SHLD1: variants seen among roughly 807,000 people sequenced by gnomAD.
SHLD1 encodes the protein RINN1-REV7-interacting novel NHEJ regulator 3.
SHLD1 carries 3 observed loss-of-function variants against 5.5 expected under a neutral mutation model. That is an observed-to-expected ratio of 0.54 (90% confidence interval 0.25 to 1.40). SHLD1 has a LOEUF of 1.40. SHLD1 is among the 40% of genes most tolerant of loss of function. The pLI is 0.15. For missense variants in SHLD1, 210 were observed against 244.4 expected, an observed-to-expected ratio of 0.86 and a Z score of 0.94; for synonymous variants, 92 against 94.3, an observed-to-expected ratio of 0.98 and a Z score of 0.14.
intron 1 of SHLD1, among the ~76,000 whole-genome samples, chr20:5,752,499 A>G (rs984464448): frequency 1.3e-5 from 2 of 152,128 alleles, no homozygotes; most frequent in Non-Finnish European, 2.9e-5. Context: ...GGCCTAGAAA[A>G]GGAAATCCTG....
intron 2 of SHLD1, among the ~76,000 whole-genome samples, chr20:5,779,604 C>A (rs1458821960): frequency 6.6e-6 from 1 of 152,190 alleles, no homozygotes; most frequent in East Asian, 1.9e-4. Context: ...CTCCAGTTCC[C>A]AAGCCAGTTT....
intron 1 of SHLD1, among the ~76,000 whole-genome samples, chr20:5,770,303 A>G (rs1985085112): frequency 1.3e-5 from 2 of 152,212 alleles, no homozygotes; most frequent in African/African-American, 4.8e-5. Context: ...ATTCCATCTG[A>G]GGATCATATG....
rs568631143 is a variant in SHLD1, at chr20:5,758,478, G to A, written c.-5+7999G>A. Among the ~76,000 whole-genome samples the A allele has an allele frequency of 2.6e-3, 389 of 151,784 alleles. 2 individuals are homozygous for A. Among genetic ancestry groups the A allele is most frequent in the Non-Finnish European group, 4.3e-3 (294 of 67,920 alleles). On this transcript the variant is annotated intron_variant, in intron 1 of 2. Transcript: ENST00000303142. ...CTGTTGTCCAGGCTGGAGTGCAATGGCACGATCTCAGCTCACTGCAACCTC... is the reference window on the plus strand; with the variant it reads ...CTGTTGTCCAGGCTGGAGTGCAATGACACGATCTCAGCTCACTGCAACCTC...
At chr20:5,818,572 G>GGGTT (rs2087567490) in intron 2 of SHLD1, among the ~76,000 whole-genome samples, 1 of 152,180 alleles carries the variant, frequency 6.6e-6, no homozygotes, top group Non-Finnish European at 1.5e-5. Flanking sequence ...ATCACATACT[G>GGGTT]GGTTGGTTGG....
intron 2 of SHLD1, among the ~76,000 whole-genome samples, chr20:5,784,674 TCGC>T (rs2087035394): frequency 6.6e-6 from 1 of 152,084 alleles, no homozygotes; most frequent in Non-Finnish European, 1.5e-5. Flanking sequence ...TTGGTCTCGA[TCGC>T]CTGACCTTGT....
At chr20:5,793,205 G>A (rs2087166599) in intron 2 of SHLD1, among the ~76,000 whole-genome samples, 1 of 152,066 alleles carries the variant, frequency 6.6e-6, no homozygotes. Flanking sequence ...AGGAAGTGTG[G>A]GTCCTCCAAC....
At chr20:5,777,029 G>T (rs868151195) in intron 2 of SHLD1, among the ~76,000 whole-genome samples, 3 of 150,868 alleles carry the variant, frequency 2.0e-5, no homozygotes, top group Non-Finnish European at 4.4e-5. Flanking sequence ...TCACTCTGTT[G>T]CCCAGGCTGA....
intron 2 of SHLD1, 123 bp downstream of exon 2, chr20:5,773,166 A>G (rs747799952): frequency 1.5e-5 from 17 of 1,124,740 alleles, no homozygotes; most frequent in Non-Finnish European, 2.1e-5. Context: ...TCTTAGGCAG[A>G]AAAACATCTT....
intron 2 of SHLD1, among the ~76,000 whole-genome samples, chr20:5,844,799 A>ATATTTTTT (rs1460082835): frequency 2.1e-4 from 15 of 71,720 alleles, no homozygotes; most frequent in South Asian, 1.5e-3. Context: ...ATATATATAT[A>ATATTTTTT]TTTTTTTTTT....
chr20:5,862,992 G>A (rs1410013636), intron 2 of SHLD1, 32 bp from the exon 3 acceptor site: 1 of 1,526,698 alleles, frequency 6.6e-7, no homozygotes, highest in Non-Finnish European at 8.8e-7. Flanking sequence ...TTGATTGTGT[G>A]TTTGAGTATT....
At chr20:5,763,423 GA>G (rs1261710132) in intron 1 of SHLD1, among the ~76,000 whole-genome samples, 3 of 151,986 alleles carry the variant, frequency 2.0e-5, no homozygotes, top group African/African-American at 7.2e-5. Flanking sequence ...AGTCATGCAA[GA>G]AGCTGTCTTT....
chr20:5,793,799 C>A lies in SHLD1; in HGVS notation c.178+20756C>A, dbSNP rs143152779. The stretch of plus-strand genomic sequence containing the variant: ...ATCTCGGCTCACTTCAACCTTCGTC[C>A]CTGGTTCAAGTGATTCTCCTGCCTC... On this transcript the variant is annotated intron_variant, in intron 2 of 2. Coordinates refer to ENST00000303142, the MANE Select transcript of SHLD1 (RefSeq NM_152504.4). 1.4e-4 allele frequency among the ~76,000 whole-genome samples: 21 copies of A among 152,114 alleles called. No homozygotes were observed. The East Asian group carries it at 3.3e-3, about 24-fold the overall frequency.
intron 2 of SHLD1, among the ~76,000 whole-genome samples, chr20:5,862,684 A>G (rs2088178856): frequency 6.6e-6 from 1 of 152,204 alleles, no homozygotes; most frequent in Non-Finnish European, 1.5e-5. Flanking sequence ...TACATTCATC[A>G]TGGGAGGAAA....
intron 1 of SHLD1, among the ~76,000 whole-genome samples, chr20:5,758,832 T>C (rs937959552): frequency 6.6e-6 from 1 of 151,508 alleles, no homozygotes; most frequent in African/African-American, 2.4e-5. Context: ...CTGCAAGTTA[T>C]GAGTTGAAAT....
intron 2 of SHLD1, among the ~76,000 whole-genome samples, chr20:5,817,430 CTCTGTGTGTG>C (rs1336556852): frequency 2.6e-4 from 26 of 99,574 alleles, no homozygotes; most frequent in South Asian, 6.4e-4. Context: ...CTCTCTCTCT[CTCTGTGTGTG>C]TGTGTGTGTG....
At chr20:5,818,861 CTGTTT>C (rs368228128) in intron 2 of SHLD1, among the ~76,000 whole-genome samples, 275 of 152,146 alleles carry the variant, frequency 1.8e-3, no homozygotes, top group Non-Finnish European at 3.2e-3. Flanking sequence ...GTGTCCACTT[CTGTTT>C]TGTTTTGTTT....
chr20:5,779,670 G>A (rs180810363), intron 2 of SHLD1, among the ~76,000 whole-genome samples: 72 of 152,272 alleles, frequency 4.7e-4, no homozygotes, highest in African/African-American at 1.7e-3. Flanking sequence ...GATCTTCCAG[G>A]GATTGGGAAA....
chr20:5,817,319 G>T (rs917929149), intron 2 of SHLD1, among the ~76,000 whole-genome samples: 2 of 151,550 alleles, frequency 1.3e-5, no homozygotes, highest in African/African-American at 4.9e-5. Context: ...ATCAAAGTTT[G>T]TTATGGCAGG....
At chr20:5,858,620 G>T (rs900871177) in intron 2 of SHLD1, among the ~76,000 whole-genome samples, 4 of 152,180 alleles carry the variant, frequency 2.6e-5, no homozygotes, top group African/African-American at 7.2e-5. Flanking sequence ...AATCACTTGA[G>T]GCCAGGAGTT....
Sources: allele counts gnomAD v4.1 joint callset (sites outside exome capture counted in the v4.1 genomes callset), GRCh38; gene constraint gnomAD v4.1.1; transcripts MANE v1.5; gene names NCBI Gene and HGNC (gene_info 2026-07-23, HGNC 2026-07-21).